Variants in KCNAB1 observed in about 807,000 individuals in gnomAD.
The protein encoded by KCNAB1 is voltage-gated potassium channel subunit beta-1.
A neutral mutation model predicts 64.6 loss-of-function variants in KCNAB1; 35 were observed. That is an observed-to-expected ratio of 0.54 (90% CI 0.41 to 0.72). The LOEUF (loss-of-function observed/expected upper bound fraction) is 0.72. Ranked by LOEUF, KCNAB1 falls within the 30% of genes least tolerant of loss-of-function variation. The probability of loss-of-function intolerance (pLI) is 0.00; values close to 1 mark genes in which losing one functional copy is unlikely to be tolerated. For synonymous variants in KCNAB1, 177 were observed against 183.8 expected (o/e 0.96, Z 0.30); for missense variants, 401 against 512.9 (o/e 0.78, Z 2.11).
At chr3:156,431,792 G>A (rs745750714) in intron 2 of KCNAB1, among the ~76,000 whole-genome samples, 1 of 152,200 alleles carries the variant, frequency 6.6e-6, no homozygotes, top group South Asian at 2.1e-4. Flanking sequence ...GGACCCATAT[G>A]GGTTTATCTG....
At chr3:156,226,139 A>G (rs1217669238) in intron 1 of KCNAB1, among the ~76,000 whole-genome samples, 2 of 152,222 alleles carry the variant, frequency 1.3e-5, no homozygotes, top group African/African-American at 4.8e-5. Context: ...ACAAAACTAG[A>G]GGCATCACAT....
chr3:156,518,210 A>G (rs183508904), intron 11 of KCNAB1, among the ~76,000 whole-genome samples: 123 of 152,364 alleles, frequency 8.1e-4, no homozygotes, highest in Non-Finnish European at 5.9e-5. Context: ...CTCTGTATCT[A>G]CTGGAACATC....
chr3:156,408,079 G>A (rs576096562), intron 1 of KCNAB1, among the ~76,000 whole-genome samples: 1 of 152,046 alleles, frequency 6.6e-6, no homozygotes, highest in African/African-American at 2.4e-5. Context: ...GGTGGTGGCG[G>A]GACACGGAAG....
At chr3:156,479,520 A>G (rs1241717248) in intron 8 of KCNAB1, among the ~76,000 whole-genome samples, 1 of 152,158 alleles carries the variant, frequency 6.6e-6, no homozygotes, top group African/African-American at 2.4e-5. Flanking sequence ...ATTGAGCCTA[A>G]CTGTGGTCAT....
chr3:156,242,347 G>C (rs1717208873), intron 1 of KCNAB1, among the ~76,000 whole-genome samples: 3 of 152,056 alleles, frequency 2.0e-5, no homozygotes, highest in Admixed American at 2.0e-4. Flanking sequence ...GGTTACATGA[G>C]TAAGTTCTTT....
At chr3:156,300,788 T>G (rs1560183225) in intron 1 of KCNAB1, among the ~76,000 whole-genome samples, 1 of 152,182 alleles carries the variant, frequency 6.6e-6, no homozygotes, top group Non-Finnish European at 1.5e-5. Flanking sequence ...AGTTGAAGTT[T>G]CTTGGGTTAA....
intron 7 of KCNAB1, among the ~76,000 whole-genome samples, chr3:156,466,005 T>C (rs1309444153): frequency 1.3e-5 from 2 of 152,192 alleles, no homozygotes; most frequent in African/African-American, 4.8e-5. Context: ...AGTTTACCCA[T>C]TTAAAGTGTA....
At chr3:156,235,491 C>A (rs1716793172) in intron 1 of KCNAB1, among the ~76,000 whole-genome samples, 1 of 152,176 alleles carries the variant, frequency 6.6e-6, no homozygotes, top group African/African-American at 2.4e-5. Flanking sequence ...CCACATTCAG[C>A]TTCCCTGGGT....
chr3:156,161,172 A>G (rs1716053301), intron 1 of KCNAB1, among the ~76,000 whole-genome samples: 8 of 152,130 alleles, frequency 5.3e-5, no homozygotes. Context: ...AAGCAGCACA[A>G]AACTTTCCTC....
At position 156,288,890 on chromosome 3, in the gene KCNAB1, T is replaced by C. The variant is rs1720240920; in HGVS notation, c.276-132726T>C. Among the ~76,000 whole-genome samples the C allele has an allele frequency of 2.6e-5, 4 of 152,314 alleles. No homozygotes were observed. In the South Asian group the frequency reaches 8.3e-4, roughly 32 times the overall value. On this transcript the variant is annotated intron_variant, in intron 1 of 13. Coordinates refer to ENST00000490337, the MANE Select transcript of KCNAB1 (RefSeq NM_172160.3). ...TCTTTCTTTTTTTAAGGAATCAAGT[T>C]TATCCAAGAATATGGCATCTTCCCA...
At chr3:156,280,816 T>G (rs936485243) in intron 1 of KCNAB1, among the ~76,000 whole-genome samples, 1 of 151,338 alleles carries the variant, frequency 6.6e-6, no homozygotes, top group African/African-American at 2.4e-5. Context: ...ATTGATTTTG[T>G]ATCCTGAGAC....
intron 1 of KCNAB1, among the ~76,000 whole-genome samples, chr3:156,265,924 G>A (rs1303091616): frequency 7.2e-5 from 11 of 152,068 alleles, no homozygotes; most frequent in African/African-American, 2.2e-4. Flanking sequence ...CCCAGGAGGC[G>A]GAGGTTGCAG....
chr3:156,150,219 T>C (rs1475410439), intron 1 of KCNAB1, among the ~76,000 whole-genome samples: 1 of 152,222 alleles, frequency 6.6e-6, no homozygotes, highest in Non-Finnish European at 1.5e-5. Context: ...GAAAGGGGCT[T>C]ATTCAAAACA....
chr3:156,407,102 C>T (rs1240444410), intron 1 of KCNAB1, among the ~76,000 whole-genome samples: 5 of 152,166 alleles, frequency 3.3e-5, no homozygotes, highest in African/African-American at 9.7e-5. Context: ...TCTACTCTGT[C>T]GTGATTGAGA....
rs200175870 is a variant in KCNAB1 at position 156,417,719 on chromosome 3, G to GAAAAAAAAAAAAAA, written c.276-3884_276-3883insAAAAAAAAAAAAAA. On this transcript the variant is annotated intron_variant, in intron 1 of 13. Coordinates refer to ENST00000490337, the MANE Select transcript of KCNAB1 (RefSeq NM_172160.3). ...TCACTACTCCAGTATTGCCTTAAAA[G>GAAAAAAAAAAAAAA]AAAAAAAAAAAAAGCCTGGTGGCTG... Among the ~76,000 whole-genome samples, 126 of 130,264 alleles carry GAAAAAAAAAAAAAA rather than the reference G, an allele frequency of 9.7e-4. 1 individual carries two copies. The highest frequency in any genetic ancestry group is 3.4e-3 in the African/African-American group (119 of 34,786). The allele number at this position is 130,264 out of a possible 152,430, so 85.5% of individuals were successfully genotyped here.
At chr3:156,166,761 A>G (rs1711597844) in intron 1 of KCNAB1, among the ~76,000 whole-genome samples, 1 of 152,208 alleles carries the variant, frequency 6.6e-6, no homozygotes, top group African/African-American at 2.4e-5. Flanking sequence ...GGTAGAATGT[A>G]TGGAGTGAAT....
chr3:156,291,968 C>A (rs1245633547), intron 1 of KCNAB1: 2 of 1,614,154 alleles, frequency 1.2e-6, no homozygotes, highest in Non-Finnish European at 1.7e-6. Flanking sequence ...TGAGGACCGA[C>A]TTCTGAGCAA....
intron 8 of KCNAB1, among the ~76,000 whole-genome samples, chr3:156,487,895 A>AT (rs1431770830): frequency 8.9e-5 from 13 of 145,792 alleles, no homozygotes; most frequent in Non-Finnish European, 1.3e-4. Flanking sequence ...AAAAAGGGAG[A>AT]TAAAAAAAAA....
At chr3:156,258,571 T>C (rs1457784558) in intron 1 of KCNAB1, among the ~76,000 whole-genome samples, 2 of 152,204 alleles carry the variant, frequency 1.3e-5, no homozygotes, top group African/African-American at 4.8e-5. Flanking sequence ...TGTTCTGTCC[T>C]ATGCAACAAC....
Sources: allele counts gnomAD v4.1 joint callset (sites outside exome capture counted in the v4.1 genomes callset), GRCh38; gene constraint gnomAD v4.1.1; transcripts MANE v1.5; gene names NCBI Gene and HGNC (gene_info 2026-07-23, HGNC 2026-07-21).